Variants in GPR158 observed in about 807,000 individuals in gnomAD.
GPR158 encodes the protein G protein-coupled receptor 158, also known as metabotropic glycine receptor.
GPR158 carries 30 observed loss-of-function variants against 78.2 expected under a neutral mutation model. That is an observed-to-expected ratio of 0.38 (90% CI 0.29 to 0.52). GPR158 has a LOEUF of 0.52. Ranked by LOEUF, GPR158 falls within the 20% of genes least tolerant of loss-of-function variation. The pLI, the probability that GPR158 is intolerant of heterozygous loss-of-function variation, is 0.83. For synonymous variants in GPR158, 581 were observed against 591.1 expected, an observed-to-expected ratio of 0.98 and a Z score of 0.25; for missense variants, 1,463 against 1,523.5, an observed-to-expected ratio of 0.96 and a Z score of 0.66.
rs560994865 is a variant in GPR158 at position 25,409,708 on chromosome 10, C to T, written c.1112-2542C>T. ...ACATCCAATCATGACTTCTCAAATA[C>T]TTTCTTTACCAGTTTTCTCATATAA... On this transcript the variant is annotated intron_variant, in intron 3 of 10. Coordinates refer to ENST00000376351, the MANE Select transcript of GPR158 (RefSeq NM_020752.3). Among the ~76,000 whole-genome samples the T allele has an allele frequency of 3.9e-5, 6 of 152,290 alleles. No individual in the cohort carries two copies. In the South Asian group the frequency reaches 1.0e-3, roughly 26 times the overall value.
chr10:25,221,639 A>C (rs1853301409), intron 2 of GPR158, among the ~76,000 whole-genome samples: 1 of 152,178 alleles, frequency 6.6e-6, no homozygotes, highest in African/African-American at 2.4e-5. Flanking sequence ...AATTGTGTAT[A>C]TGTGTGTGTA....
intron 2 of GPR158, among the ~76,000 whole-genome samples, chr10:25,375,459 T>C (rs1446168992): frequency 4.9e-5 from 4 of 81,462 alleles, no homozygotes; most frequent in Non-Finnish European, 1.4e-4. Flanking sequence ...ACTTCTAATG[T>C]TTTTCTCTTT....
intron 1 of GPR158, among the ~76,000 whole-genome samples, chr10:25,206,127 A>G (rs1333725335): frequency 1.3e-5 from 2 of 151,636 alleles, no homozygotes; most frequent in Admixed American, 6.6e-5. Context: ...CTGGGACTAC[A>G]GGCGCCCACC....
At chr10:25,339,732 C>T (rs977294354) in intron 2 of GPR158, among the ~76,000 whole-genome samples, 12 of 151,900 alleles carry the variant, frequency 7.9e-5, no homozygotes, top group African/African-American at 2.9e-4. Flanking sequence ...TTATCAAATG[C>T]GTTTTCTATA....
At chr10:25,498,984 G>A (rs1171732731) in intron 5 of GPR158, among the ~76,000 whole-genome samples, 2 of 152,124 alleles carry the variant, frequency 1.3e-5, no homozygotes, top group African/African-American at 4.8e-5. Context: ...ATGCCTTCAG[G>A]TGTGACTAAG....
At chr10:25,460,710 G>C (rs1186384819) in intron 4 of GPR158, among the ~76,000 whole-genome samples, 1 of 152,132 alleles carries the variant, frequency 6.6e-6, no homozygotes, top group Non-Finnish European at 1.5e-5. Context: ...CATCTATTTA[G>C]TATGTATATG....
At chr10:25,323,067 G>A (rs190819551) in intron 2 of GPR158, among the ~76,000 whole-genome samples, 17 of 152,124 alleles carry the variant, frequency 1.1e-4, no homozygotes, top group East Asian at 1.9e-4. Context: ...GGATGGTCTC[G>A]ATCTCCTGAC....
At chr10:25,439,501 T>C (rs1289042108) in intron 4 of GPR158, among the ~76,000 whole-genome samples, 1 of 152,184 alleles carries the variant, frequency 6.6e-6, no homozygotes, top group Non-Finnish European at 1.5e-5. Context: ...AGCAGTTGTC[T>C]GGTCTGGTTT....
At chr10:25,582,206 G>A (rs1398113624) in intron 7 of GPR158, among the ~76,000 whole-genome samples, 1 of 152,140 alleles carries the variant, frequency 6.6e-6, no homozygotes, top group African/African-American at 2.4e-5. Context: ...ATCAGACAGA[G>A]AGACGAAATG....
intron 1 of GPR158, among the ~76,000 whole-genome samples, chr10:25,220,080 G>A (rs1484293157): frequency 6.6e-6 from 1 of 152,076 alleles, no homozygotes. Flanking sequence ...TTAAATTAGG[G>A]GTGTGGGGCC....
At chr10:25,336,773 A>C (rs1283606879) in intron 2 of GPR158, among the ~76,000 whole-genome samples, 1 of 152,094 alleles carries the variant, frequency 6.6e-6, no homozygotes, top group East Asian at 1.9e-4. Flanking sequence ...AAGATGGTAA[A>C]AGAGTGAGAT....
At position 25,598,350 on chromosome 10, in the gene GPR158, C is replaced by T. The variant is rs770498331; in HGVS notation, c.2724C>T (p.Ser908=). 12 of 1,613,878 alleles carry T rather than the reference C, an allele frequency of 7.4e-6. No individual in the cohort carries two copies. Among genetic ancestry groups the T allele is most frequent in the African/African-American group, 6.7e-5 (5 of 74,886 alleles). ...MLQKSLSVIA[S]AKEKTLGLAG... is the part of the protein sequence containing the mutation. ...AGAAGTCTCTCAGTGTCATAGCAAG[C>T]GCCAAGGAGAAGACTCTTGGATTAG... Residue 908 remains serine, a synonymous_variant, in exon 11 of 11, where the codon AGC becomes AGT. Coordinates refer to ENST00000376351, the MANE Select transcript of GPR158 (RefSeq NM_020752.3).
At chr10:25,318,473 C>A (rs1381866144) in intron 2 of GPR158, among the ~76,000 whole-genome samples, 1 of 151,696 alleles carries the variant, frequency 6.6e-6, no homozygotes, top group African/African-American at 2.4e-5. Flanking sequence ...AATCATAAAC[C>A]CTTCATTCCG....
At chr10:25,505,765 T>G (rs558957949) in intron 5 of GPR158, among the ~76,000 whole-genome samples, 1 of 152,306 alleles carries the variant, frequency 6.6e-6, no homozygotes, top group South Asian at 2.1e-4. Flanking sequence ...CACGCCTTCA[T>G]GCTCTTGTAT....
At chr10:25,570,033 G>C (rs1279887177) in intron 6 of GPR158, among the ~76,000 whole-genome samples, 2 of 152,166 alleles carry the variant, frequency 1.3e-5, no homozygotes, top group Non-Finnish European at 2.9e-5. Flanking sequence ...AGAAAAGTGG[G>C]TCAGGTTCTC....
intron 4 of GPR158, among the ~76,000 whole-genome samples, chr10:25,426,329 A>G (rs998315300): frequency 1.3e-5 from 2 of 152,092 alleles, no homozygotes; most frequent in Non-Finnish European, 2.9e-5. Flanking sequence ...TAGCACTTTT[A>G]CTTTCCATCA....
intron 2 of GPR158, among the ~76,000 whole-genome samples, chr10:25,351,836 A>T (rs1050973932): frequency 6.6e-6 from 1 of 150,978 alleles, no homozygotes; most frequent in Non-Finnish European, 1.5e-5. Context: ...TGCACAGATC[A>T]TCCCATCACC....
At chr10:25,474,937 C>T (rs758541513) in intron 5 of GPR158, among the ~76,000 whole-genome samples, 1 of 152,016 alleles carries the variant, frequency 6.6e-6, no homozygotes, top group Non-Finnish European at 1.5e-5. Context: ...ATTTTTGGGA[C>T]TTAGCAGAAG....
intron 2 of GPR158, among the ~76,000 whole-genome samples, chr10:25,338,449 TAA>T (rs1263664686): frequency 7.0e-6 from 1 of 143,154 alleles, no homozygotes; most frequent in Non-Finnish European, 1.5e-5. Flanking sequence ...TATATATACG[TAA>T]TATATATATT....
Sources: gnomAD v4.1 joint callset for allele counts (sites outside exome capture counted in the v4.1 genomes callset) on GRCh38, gnomAD v4.1.1 for gene constraint, MANE v1.5 for transcripts, NCBI Gene and HGNC (gene_info 2026-07-23, HGNC 2026-07-21) for gene names.